The following RCAN2 variants were observed in gnomAD, a reference collection of about 807,000 sequenced individuals.
RCAN2 encodes the protein calcipressin-2.
A neutral mutation model predicts 23.6 loss-of-function variants in RCAN2; 9 were observed. That is an observed-to-expected ratio of 0.38 (90% CI 0.23 to 0.67). The LOEUF is 0.67. Among genes scored for constraint, RCAN2 ranks in the 30% least tolerant of loss-of-function variants. The probability of loss-of-function intolerance (pLI) is 0.51; values close to 1 mark genes in which losing one functional copy is unlikely to be tolerated. For missense variants in RCAN2, 273 were observed against 302.3 expected (o/e 0.90, Z 0.72); for synonymous variants, 109 against 115.7 (o/e 0.94, Z 0.37).
intron 2 of RCAN2, among the ~76,000 whole-genome samples, chr6:46,434,978 C>T (rs1356281885): frequency 6.6e-6 from 1 of 152,154 alleles, no homozygotes; most frequent in Non-Finnish European, 1.5e-5. Context: ...AAGTTGTGCA[C>T]CTCCCATATT....
At chr6:46,240,636 A>G (rs2150313755) in intron 4 of RCAN2, among the ~76,000 whole-genome samples, 1 of 152,330 alleles carries the variant, frequency 6.6e-6, no homozygotes, top group East Asian at 1.9e-4. Context: ...CAATTGCTGA[A>G]TGAGAATCGA....
chr6:46,413,309 T>A (rs1032147827), intron 2 of RCAN2, among the ~76,000 whole-genome samples: 1 of 152,218 alleles, frequency 6.6e-6, no homozygotes, highest in African/African-American at 2.4e-5. Context: ...ACAGATTACA[T>A]CCTGGAAACA....
At chr6:46,231,262 G>A (rs75886152) in intron 4 of RCAN2, among the ~76,000 whole-genome samples, 2,315 of 152,190 alleles carry the variant, frequency 0.015, 34 homozygotes, top group Non-Finnish European at 0.027. Context: ...ATAAGCCAAG[G>A]AACTACCCAA....
intron 2 of RCAN2, among the ~76,000 whole-genome samples, chr6:46,377,939 T>C (rs1426336185): frequency 6.6e-6 from 1 of 152,220 alleles, no homozygotes. Flanking sequence ...ATAAACTTGT[T>C]GTAGGATCTT....
At chr6:46,386,697 A>G (rs1765767510) in intron 2 of RCAN2, among the ~76,000 whole-genome samples, 1 of 152,070 alleles carries the variant, frequency 6.6e-6, no homozygotes, top group South Asian at 2.1e-4. Context: ...TTAAAAACTC[A>G]AGAAACAACA....
intron 4 of RCAN2, among the ~76,000 whole-genome samples, chr6:46,229,686 G>T (rs904891414): frequency 6.6e-6 from 1 of 152,060 alleles, no homozygotes; most frequent in Admixed American, 6.5e-5. Flanking sequence ...TTTTTTCAAG[G>T]TTTTTAGCTT....
rs10223325 is a variant in RCAN2, at chr6:46,456,100, G to A, written c.225+652C>T. ...TGATTGCCAAAAACATTTACACTAA[G>A]TTAAGTCTGTTTCTTAAAATGGGAA... On this transcript the variant is annotated intron_variant, in intron 2 of 4. Transcript: ENST00000371374. Among the ~76,000 whole-genome samples, 52 of 152,228 alleles carry A rather than the reference G, an allele frequency of 3.4e-4. 1 individual carries two copies. Among genetic ancestry groups the A allele is most frequent in the African/African-American group, 9.9e-4 (41 of 41,506 alleles).
chr6:46,464,886 C>G (rs1221578309), intron 1 of RCAN2, among the ~76,000 whole-genome samples: 1 of 149,090 alleles, frequency 6.7e-6, no homozygotes, highest in African/African-American at 2.5e-5. Context: ...CCTGTGGAAG[C>G]AGCAGCTTAT....
intron 2 of RCAN2, among the ~76,000 whole-genome samples, chr6:46,420,453 A>T (rs1766850596): frequency 6.6e-6 from 1 of 152,110 alleles, no homozygotes; most frequent in Non-Finnish European, 1.5e-5. Flanking sequence ...TGATTCTCTG[A>T]CTGCTGAGCA....
chr6:46,281,565 C>T (rs1767919739), intron 2 of RCAN2, among the ~76,000 whole-genome samples: 1 of 152,158 alleles, frequency 6.6e-6, no homozygotes, highest in African/African-American at 2.4e-5. Flanking sequence ...GGAAGGCTCA[C>T]CAGTGATGTA....
chr6:46,220,875 T>C lies in RCAN2; in HGVS notation c.*2266A>G, dbSNP rs925084956. 1 of 152,734 alleles carries C rather than the reference T, an allele frequency of 6.5e-6. No individual in the cohort carries two copies. The highest frequency in any genetic ancestry group is 2.1e-4 in the South Asian group (1 of 4,828). 9.5% of individuals were successfully genotyped at this position (152,734 alleles called of 1,614,324 possible). A position where few individuals can be genotyped will look rare whatever the true frequency, so the allele number is the denominator to read the frequency against. The stretch of plus-strand genomic sequence containing the variant: ...AATAGTGCTAAAGAGATTTGCATAA[T>C]GTGCGTCATGGAAATGCTGAGGCGA... On this transcript the variant is annotated 3_prime_UTR_variant, in exon 5 of 5. Transcript: ENST00000371374.
At chr6:46,488,799 C>G (rs9349362) in intron 1 of RCAN2, among the ~76,000 whole-genome samples, 1 of 151,968 alleles carries the variant, frequency 6.6e-6, no homozygotes, top group Non-Finnish European at 1.5e-5. Context: ...CGATCCTCCC[C>G]CTGAAATGGC....
At chr6:46,327,592 G>A (rs993838908) in intron 2 of RCAN2, among the ~76,000 whole-genome samples, 2 of 152,188 alleles carry the variant, frequency 1.3e-5, no homozygotes, top group African/African-American at 4.8e-5. Context: ...GTAATACAAA[G>A]ATGAATGTGA....
In RCAN2 at chr6:46,221,868, T is replaced by C. The variant is rs1765486600; in HGVS notation, c.*1273A>G. ...GGTTCTATAGGTGTATCTTCTGTAA[T>C]GCACTTTGGGCTAGAGAAATAGAAA... On this transcript the variant is annotated 3_prime_UTR_variant, in exon 5 of 5. Transcript: ENST00000371374. 5.0e-6 allele frequency: 2 copies of C among 398,464 alleles called. No individual in the cohort carries two copies. Among genetic ancestry groups the C allele is most frequent in the Non-Finnish European group, 8.9e-6 (2 of 225,930 alleles). 24.7% of individuals were successfully genotyped at this position (398,464 alleles called of 1,614,324 possible). A position where few individuals can be genotyped will look rare whatever the true frequency, so the allele number is the denominator to read the frequency against.
intron 2 of RCAN2, among the ~76,000 whole-genome samples, chr6:46,413,663 G>A (rs1248896037): frequency 2.0e-5 from 3 of 152,154 alleles, no homozygotes; most frequent in African/African-American, 2.4e-5. Context: ...TGGCTCCAAC[G>A]GCACCAAATG....
intron 2 of RCAN2, among the ~76,000 whole-genome samples, chr6:46,344,898 ATTTTAATTAAAAT>A (rs1214938748): frequency 4.6e-5 from 7 of 152,216 alleles, no homozygotes; most frequent in Admixed American, 3.3e-4. Context: ...AATTATAAAC[ATTTTAATTAAAAT>A]GTGGAAATGA....
At chr6:46,247,345 C>T (rs1766556481) in intron 3 of RCAN2, among the ~76,000 whole-genome samples, 1 of 152,160 alleles carries the variant, frequency 6.6e-6, no homozygotes, top group Non-Finnish European at 1.5e-5. Flanking sequence ...GTGAAATTCA[C>T]ATAACATAAA....
chr6:46,223,366 G>A, intron 4 of RCAN2, 65 bp from the exon 5 acceptor site: 1 of 1,470,478 alleles, frequency 6.8e-7, no homozygotes, highest in Non-Finnish European at 9.4e-7. Context: ...CTGGAGCAGG[G>A]TCTGCTTAGG....
intron 4 of RCAN2, among the ~76,000 whole-genome samples, chr6:46,229,515 C>A (rs1765801934): frequency 6.6e-6 from 1 of 152,026 alleles, no homozygotes; most frequent in Non-Finnish European, 1.5e-5. Context: ...TCATTTCATT[C>A]ATTTGATCTT....
Sources: allele counts gnomAD v4.1 joint callset (sites outside exome capture counted in the v4.1 genomes callset), GRCh38; gene constraint gnomAD v4.1.1; transcripts MANE v1.5; gene names NCBI Gene and HGNC (gene_info 2026-07-23, HGNC 2026-07-21).